The following PKD1L1 variants were observed in gnomAD, a reference collection of about 807,000 sequenced individuals.
PKD1L1 encodes polycystin-1-like protein 1.
In PKD1L1, 236 loss-of-function variants were observed where a neutral mutation model predicts 323.4. That is an observed-to-expected ratio of 0.73 (90% CI 0.66 to 0.81). PKD1L1 has a LOEUF of 0.81. Among genes scored for constraint, PKD1L1 ranks in the 40% least tolerant of loss-of-function variants. PKD1L1 has a pLI of 0.00. For synonymous variants in PKD1L1, 1,344 were observed against 1,335.0 expected, an observed-to-expected ratio of 1.01 and a Z score of -0.15; for missense variants, 3,320 against 3,508.0, an observed-to-expected ratio of 0.95 and a Z score of 1.35.
Position 47,827,330 on chromosome 7 carries a change from C to G in PKD1L1, c.6854+20G>C, listed in dbSNP as rs770149347. On this transcript the variant is annotated intron_variant, in intron 45 of 56. Transcript: ENST00000289672. Reference sequence around the variant, plus strand: ...GGAGCTGGAGTGGAGCAAGCCCTCCCGACAGAAGCCGCCACCCACCTCAGG... The same window carrying G: ...GGAGCTGGAGTGGAGCAAGCCCTCCGGACAGAAGCCGCCACCCACCTCAGG... 3.8e-6 allele frequency: 6 copies of G among 1,586,142 alleles called. No homozygotes were observed. Among genetic ancestry groups the G allele is most frequent in the South Asian group, 3.4e-5 (3 of 87,360 alleles).
chr7:47,877,600 C>T lies in PKD1L1; in HGVS notation c.3552G>A (p.Gln1184=). Residue 1184 remains glutamine, a synonymous_variant, in exon 22 of 57, where the codon CAG becomes CAA. Coordinates refer to ENST00000289672, the MANE Select transcript of PKD1L1 (RefSeq NM_138295.5). The part of the protein sequence containing the change: ...ASKHGLLGKA[Q]LYLTVNPAPR... ...GAGCCGGGTTGACTGTCAAGTACAG[C>T]TGAGCTTTACCCAGTAAGCCATGCT... The T allele has an allele frequency of 1.2e-6, 2 of 1,614,152 alleles. No homozygotes were observed. Among genetic ancestry groups the T allele is most frequent in the Non-Finnish European group, 1.7e-6 (2 of 1,180,008 alleles).
At chr7:47,912,094 T>G (rs1787334649) in intron 8 of PKD1L1, among the ~76,000 whole-genome samples, 6 of 152,084 alleles carry the variant, frequency 3.9e-5, no homozygotes, top group Admixed American at 3.9e-4. Flanking sequence ...ATTAAGATAA[T>G]TTATCAGAAA....
At chr7:47,842,684 C>T (rs1024831267) in intron 34 of PKD1L1, among the ~76,000 whole-genome samples, 3 of 152,178 alleles carry the variant, frequency 2.0e-5, no homozygotes, top group Non-Finnish European at 4.4e-5. Context: ...CAAAGATCCA[C>T]TCAGAGACAG....
chr7:47,959,151 T>A, the PKD1L1 span, among the ~76,000 whole-genome samples: 5 of 152,088 alleles, frequency 3.3e-5, no homozygotes, highest in South Asian at 2.1e-4. Context: ...TGGAGTGCAG[T>A]GGCGTGATCT....
At chr7:47,936,810 A>G in intron 4 of PKD1L1, 36 bp downstream of exon 4, 1 of 1,464,394 alleles carries the variant, frequency 6.8e-7, no homozygotes, top group Non-Finnish European at 9.5e-7. Context: ...TTGCATGTTC[A>G]GAAAAGCAAT....
At chr7:47,879,314 T>C (rs1786477465) in intron 21 of PKD1L1, among the ~76,000 whole-genome samples, 1 of 152,136 alleles carries the variant, frequency 6.6e-6, no homozygotes, top group African/African-American at 2.4e-5. Context: ...CTGTGGATGT[T>C]GAACCAAACC....
rs1208522113 is a variant in PKD1L1, at chr7:47,893,820, C to CG, written c.2453+57_2453+58insC. ...ATAGCCTCCAACGTTCCAGAGCCTG[C>CG]ATTTGCAGAATGCGCGGTCTGAGTA... On this transcript the variant is annotated intron_variant, in intron 15 of 56. Transcript: ENST00000289672. The CG allele has an allele frequency of 1.3e-5, 20 of 1,538,156 alleles. No individual in the cohort carries two copies. The African/African-American group carries it at 2.3e-4, about 18-fold the overall frequency.
At chr7:47,819,461 T>A (rs1313655980) in intron 46 of PKD1L1, 7 of 1,116,284 alleles carry the variant, frequency 6.3e-6, no homozygotes, top group African/African-American at 1.7e-5. Context: ...TGTTTAGATT[T>A]CCATTTCCAT....
At chr7:47,796,759 A>G (rs10269813) in intron 54 of PKD1L1, among the ~76,000 whole-genome samples, 108,903 of 151,318 alleles carry the variant, frequency 0.72, 39,407 homozygotes, top group Non-Finnish European at 0.75. Context: ...AGGCCAAGGC[A>G]GGCGGATCAT....
Position 47,839,709 on chromosome 7 carries a change from G to T in PKD1L1, c.5553-47C>A, listed in dbSNP as rs1158234624. 10 of 1,523,158 alleles carry T rather than the reference G, an allele frequency of 6.6e-6. No homozygotes were observed. Among genetic ancestry groups the T allele is most frequent in the Non-Finnish European group, 8.9e-6 (10 of 1,124,928 alleles). 94.4% of individuals were successfully genotyped at this position (1,523,158 alleles called of 1,614,324 possible). A position where few individuals can be genotyped will look rare whatever the true frequency, so the allele number is the denominator to read the frequency against. On this transcript the variant is annotated intron_variant, in intron 35 of 56. Transcript: ENST00000289672. The surrounding 1 kb of genome is among the most constrained non-coding windows in gnomAD (Gnocchi z 4.3). ...TCTCAGCCGGGTGGGTGACAGTGTG[G>T]TCCTGGCATCCCATCAGCCCCAATG...
intron 7 of PKD1L1, among the ~76,000 whole-genome samples, chr7:47,921,870 TCTCTCCCTCTCCC>T (rs1333765651): frequency 6.6e-6 from 1 of 151,704 alleles, no homozygotes; most frequent in Non-Finnish European, 1.5e-5. Context: ...ATGACACTCC[TCTCTCCCTCTCCC>T]CTCTCCCCTC....
chr7:47,856,226 C>T (rs1003259580), intron 28 of PKD1L1, among the ~76,000 whole-genome samples: 22 of 151,976 alleles, frequency 1.4e-4, no homozygotes, highest in African/African-American at 4.8e-4. Flanking sequence ...TTAGTAGAGA[C>T]GGGTGTTTCA....
intron 32 of PKD1L1, among the ~76,000 whole-genome samples, 196 bp downstream of exon 32, chr7:47,846,683 A>G (rs370716288): frequency 2.0e-4 from 30 of 152,358 alleles, no homozygotes; most frequent in African/African-American, 7.2e-4. Flanking sequence ...TTGGGAGCCC[A>G]TAGAGTGGGA....
In PKD1L1 at chr7:47,837,023, G is replaced by T. The variant is rs761659752; in HGVS notation, c.5841C>A (p.Ser1947=). The change falls in exon 37 of 57, where the codon TCC becomes TCA. Residue 1947 remains serine (S), a synonymous_variant. Coordinates refer to ENST00000289672, the MANE Select transcript of PKD1L1 (RefSeq NM_138295.5). ...GCGGCGTGTGCAGGTAGCGGCTGGA[G>T]GAGGGCCTGCTGTACACCGACAGCC... The part of the protein sequence containing the change: ...HVWLSVYSRP[S]SSRYLHTPRL... 6.2e-7 allele frequency: 1 copy of T among 1,614,142 alleles called. No individual in the cohort carries two copies. The highest frequency in any genetic ancestry group is 1.1e-5 in the South Asian group (1 of 91,082).
In PKD1L1 at chr7:47,925,716, T is replaced by C. The variant is rs377656133; in HGVS notation, c.1060+3488A>G. ...CCTTAAGAATGACAAAACAGACTTT[T>C]TGTAGCAATAAGATACCAACATGAC... On this transcript the variant is annotated intron_variant, in intron 7 of 56. Transcript: ENST00000289672. Among the ~76,000 whole-genome samples, 44 of 152,244 alleles carry C rather than the reference T, an allele frequency of 2.9e-4. No homozygotes were observed. In the East Asian group the frequency reaches 4.8e-3, roughly 17 times the overall value.
chr7:47,894,123 C>G (rs538609642), intron 14 of PKD1L1, 64 bp from the exon 15 acceptor site: 1 of 1,416,764 alleles, frequency 7.1e-7, no homozygotes, highest in Non-Finnish European at 9.5e-7. Flanking sequence ...ACTGGAGAAA[C>G]ACACTAGTCT....
chr7:47,848,945 C>A (rs1424467303), intron 31 of PKD1L1, among the ~76,000 whole-genome samples: 3 of 152,194 alleles, frequency 2.0e-5, no homozygotes, highest in African/African-American at 7.2e-5. Flanking sequence ...AGACTTCAAA[C>A]TATACAACGA....
chr7:47,867,030 G>A (rs1443681823), intron 24 of PKD1L1, among the ~76,000 whole-genome samples: 1 of 152,140 alleles, frequency 6.6e-6, no homozygotes, highest in East Asian at 1.9e-4. Flanking sequence ...ACACAGTATT[G>A]TGAAAAGAGG....
At chr7:47,937,290 A>G (rs887063980) in intron 3 of PKD1L1, among the ~76,000 whole-genome samples, 1 of 148,746 alleles carries the variant, frequency 6.7e-6, no homozygotes, top group African/African-American at 2.5e-5. Flanking sequence ...TTTTTTATAC[A>G]CAGGGTCAGA....
Sources: allele counts gnomAD v4.1 joint callset (sites outside exome capture counted in the v4.1 genomes callset), GRCh38; gene constraint gnomAD v4.1.1; non-coding constraint Gnocchi (gnomAD v3.1); transcripts MANE v1.5; gene names NCBI Gene and HGNC (gene_info 2026-07-23, HGNC 2026-07-21).